The following ACSM1 variants were observed in gnomAD, a reference collection of about 807,000 sequenced individuals.
ACSM1 encodes the protein acyl-coenzyme A synthetase ACSM1, mitochondrial.
ACSM1 carries 79 observed loss-of-function variants against 75.8 expected under a neutral mutation model. The observed-to-expected ratio is 1.04, with a 90% CI of 0.87 to 1.26. The LOEUF (loss-of-function observed/expected upper bound fraction) is 1.26, where lower values mean the gene tolerates loss of function less well. ACSM1 is among the 50% of genes most tolerant of loss of function. ACSM1 has a pLI of 0.00. For synonymous variants in ACSM1, 279 were observed against 265.8 expected (o/e 1.05, Z -0.48); for missense variants, 676 against 720.1 (o/e 0.94, Z 0.70).
At chr16:20,659,336 C>T (rs1349293779) in intron 7 of ACSM1, among the ~76,000 whole-genome samples, 1 of 152,152 alleles carries the variant, frequency 6.6e-6, no homozygotes, top group African/African-American at 2.4e-5. Flanking sequence ...TGCCATGGGA[C>T]CTGCTGCTGT....
In ACSM1 at chr16:20,648,043, G is replaced by A. The variant is rs1244257640; in HGVS notation, c.993-7459C>T. Among the ~76,000 whole-genome samples the A allele has an allele frequency of 3.3e-5, 5 of 152,102 alleles. No individual in the cohort carries two copies. Among genetic ancestry groups the A allele is most frequent in the African/African-American group, 7.2e-5 (3 of 41,402 alleles). On this transcript the variant is annotated intron_variant, in intron 7 of 13. Transcript: ENST00000520010. This position sits in a 1 kb window ranked among gnomAD's most constrained non-coding sequence, Gnocchi z 4.2. ...GGAACTTTGCAGCCTCCACAGTCGC[G>A]ATGGCCCCCTGCTCCCACTTTACTT...
intron 7 of ACSM1, among the ~76,000 whole-genome samples, chr16:20,651,750 TG>T (rs1161157550): frequency 2.6e-5 from 4 of 152,126 alleles, no homozygotes; most frequent in Non-Finnish European, 4.4e-5. Flanking sequence ...ACTAGTCAAA[TG>T]CTTTTTCAAG....
At position 20,691,201 on chromosome 16, in the gene ACSM1, C is replaced by T; in HGVS notation, c.-13G>A. 6.4e-7 allele frequency: 1 copy of T among 1,550,748 alleles called. No individual in the cohort carries two copies. The highest frequency in any genetic ancestry group is 8.7e-7 in the Non-Finnish European group (1 of 1,153,192). On this transcript the variant is annotated 5_prime_UTR_variant, in exon 2 of 14. Coordinates refer to ENST00000520010, the MANE Select transcript of ACSM1 (RefSeq NM_001318890.3). The stretch of plus-strand genomic sequence containing the variant: ...TTAGCCACTGCATGGTGAAACAGTC[C>T]TCAGAAACCAGGCACAGAGTTCTCA...
chr16:20,686,028 G>A (rs1348165928), intron 2 of ACSM1, among the ~76,000 whole-genome samples: 1 of 151,778 alleles, frequency 6.6e-6, no homozygotes, highest in African/African-American at 2.4e-5. Context: ...TCTTCTCTGT[G>A]CCTTAGTTTC....
intron 7 of ACSM1, among the ~76,000 whole-genome samples, chr16:20,641,277 T>G (rs778139053): frequency 7.2e-5 from 11 of 152,256 alleles, no homozygotes; most frequent in Non-Finnish European, 1.5e-4. Flanking sequence ...GAGGTGGCCT[T>G]GCAAAGCCAT....
chr16:20,679,410 T>A (rs1037863770), intron 4 of ACSM1: 2 of 152,220 alleles, frequency 1.3e-5, no homozygotes, highest in Non-Finnish European at 2.9e-5. Context: ...AGCTGACTAG[T>A]CTACACACAG....
intron 7 of ACSM1, among the ~76,000 whole-genome samples, chr16:20,649,811 C>A (rs1596841315): frequency 6.6e-6 from 1 of 152,156 alleles, no homozygotes; most frequent in East Asian, 1.9e-4. Flanking sequence ...ATATACAAAA[C>A]CAAGCTGCAT....
chr16:20,685,013 T>C (rs2079520413), intron 3 of ACSM1, among the ~76,000 whole-genome samples, 180 bp downstream of exon 3: 1 of 152,234 alleles, frequency 6.6e-6, no homozygotes. Flanking sequence ...GTTTTGTCTC[T>C]AATTAAACTG....
At chr16:20,683,715 C>CTCTCTT (rs1555477280) in intron 3 of ACSM1, among the ~76,000 whole-genome samples, 20 of 136,382 alleles carry the variant, frequency 1.5e-4, no homozygotes, top group Admixed American at 4.6e-4. Context: ...CTCTCTCTCT[C>CTCTCTT]TCTTTCTTTC....
chr16:20,655,254 G>C (rs1360993710), intron 7 of ACSM1, among the ~76,000 whole-genome samples: 1 of 117,118 alleles, frequency 8.5e-6, no homozygotes, highest in Non-Finnish European at 1.7e-5. Context: ...GTTGTGGGGT[G>C]GGGGGAGGGG....
chr16:20,682,467 G>A lies in ACSM1; in HGVS notation c.404-4C>T. ...GTCGCAGGAATGAAGATGATCCCTGGGGATGAGAAAGGAACTGATTGTTTT... is the reference window on the plus strand; with the variant it reads ...GTCGCAGGAATGAAGATGATCCCTGAGGATGAGAAAGGAACTGATTGTTTT... On this transcript the variant is annotated splice_polypyrimidine_tract_variant and splice_region_variant and intron_variant, in intron 3 of 13. Coordinates refer to ENST00000520010, the MANE Select transcript of ACSM1 (RefSeq NM_001318890.3). 1 of 1,611,900 alleles carries A rather than the reference G, an allele frequency of 6.2e-7. No homozygotes were observed.
chr16:20,692,822 G>A (rs2079666755), intron 1 of ACSM1, among the ~76,000 whole-genome samples: 1 of 152,138 alleles, frequency 6.6e-6, no homozygotes, highest in Non-Finnish European at 1.5e-5. Flanking sequence ...AGAATTTATG[G>A]TTTGTAGGGC....
At chr16:20,692,306 G>C (rs552911519) in intron 1 of ACSM1, among the ~76,000 whole-genome samples, 89 of 152,320 alleles carry the variant, frequency 5.8e-4, no homozygotes, top group African/African-American at 2.1e-3. Context: ...GAAGGCATGA[G>C]ACATTAATTA....
At chr16:20,688,753 T>C (rs2079599512) in intron 2 of ACSM1, among the ~76,000 whole-genome samples, 1 of 151,890 alleles carries the variant, frequency 6.6e-6, no homozygotes, top group South Asian at 2.1e-4. Flanking sequence ...GACTTGCCCC[T>C]ACAAGAAATG....
At chr16:20,634,205 C>T (rs532165859) in intron 10 of ACSM1, among the ~76,000 whole-genome samples, 13 of 152,156 alleles carry the variant, frequency 8.5e-5, no homozygotes, top group Non-Finnish European at 1.6e-4. Context: ...ACAACACATA[C>T]AAAAGTTAAC....
At chr16:20,692,358 GA>G (rs1455210926) in intron 1 of ACSM1, among the ~76,000 whole-genome samples, 6 of 152,160 alleles carry the variant, frequency 3.9e-5, no homozygotes, top group Non-Finnish European at 8.8e-5. Context: ...AGAAAGGTGG[GA>G]AAACCTAAAG....
chr16:20,670,378 T>C (rs55689267), intron 5 of ACSM1, among the ~76,000 whole-genome samples: 2,567 of 151,750 alleles, frequency 0.017, 65 homozygotes, highest in African/African-American at 0.059. Flanking sequence ...TTCCATCATA[T>C]GTCTAGTACC....
At chr16:20,658,068 A>G (rs1403163853) in intron 7 of ACSM1, among the ~76,000 whole-genome samples, 3 of 152,206 alleles carry the variant, frequency 2.0e-5, no homozygotes, top group African/African-American at 7.2e-5. Context: ...CAATAAAGAT[A>G]CATGTGCATG....
At chr16:20,676,026 T>C (rs1175759189) in intron 4 of ACSM1, 1 of 152,182 alleles carries the variant, frequency 6.6e-6, no homozygotes, top group African/African-American at 2.4e-5. Context: ...CAGGAGGGAA[T>C]AGAGACCCCT....
Sources: gnomAD v4.1 joint callset for allele counts (sites outside exome capture counted in the v4.1 genomes callset) on GRCh38, gnomAD v4.1.1 for gene constraint, Gnocchi (gnomAD v3.1) non-coding constraint, MANE v1.5 for transcripts, NCBI Gene and HGNC (gene_info 2026-07-23, HGNC 2026-07-21) for gene names.